Variants in NFIB observed in about 807,000 individuals in gnomAD.
The protein encoded by NFIB is nuclear factor 1 B-type.
NFIB carries 11 observed loss-of-function variants against 61.5 expected under a neutral mutation model. That is an observed-to-expected ratio of 0.18 (90% CI 0.11 to 0.30). The LOEUF (loss-of-function observed/expected upper bound fraction) is 0.30, where lower values mean the gene tolerates loss of function less well. Ranked by LOEUF, NFIB falls within the 10% of genes least tolerant of loss-of-function variation. The pLI is 1.00. For synonymous variants in NFIB, 260 were observed against 216.5 expected (o/e 1.20, Z -1.76); for missense variants, 471 against 608.9 (o/e 0.77, Z 2.38).
At chr9:14,247,787 TTTGA>T (rs2055099776) in intron 2 of NFIB, among the ~76,000 whole-genome samples, 1 of 152,174 alleles carries the variant, frequency 6.6e-6, no homozygotes, top group South Asian at 2.1e-4. Context: ...CTCTGCATGC[TTTGA>T]TGTCACCTCA....
At chr9:14,238,400 G>A (rs78019333) in intron 2 of NFIB, among the ~76,000 whole-genome samples, 2,208 of 152,224 alleles carry the variant, frequency 0.015, 53 homozygotes, top group Middle Eastern at 0.051. Flanking sequence ...AGTTTAATAC[G>A]TAAGGTTACA....
At chr9:14,124,699 T>C (rs1359057427) in intron 7 of NFIB, among the ~76,000 whole-genome samples, 2 of 152,160 alleles carry the variant, frequency 1.3e-5, no homozygotes, top group Admixed American at 6.5e-5. Context: ...CAGTGTTAAT[T>C]ATTAGCTGTA....
chr9:14,130,021 T>G (rs2040215696), intron 6 of NFIB, among the ~76,000 whole-genome samples: 1 of 152,134 alleles, frequency 6.6e-6, no homozygotes, highest in Non-Finnish European at 1.5e-5. Flanking sequence ...TAGAAAGTAA[T>G]AATTTATAAA....
chr9:14,289,147 T>TAC (rs2058924368), intron 2 of NFIB, among the ~76,000 whole-genome samples: 1 of 146,172 alleles, frequency 6.8e-6, no homozygotes, highest in Non-Finnish European at 1.5e-5. Flanking sequence ...TATACATATA[T>TAC]ATATATTTGG....
the NFIB span, among the ~76,000 whole-genome samples, chr9:14,431,601 T>C: frequency 6.6e-6 from 1 of 151,856 alleles, no homozygotes; most frequent in Non-Finnish European, 1.5e-5. Context: ...CAAGGTAATA[T>C]CATCTCCCCT....
At chr9:14,322,597 A>C (rs28680490) in intron 1 of NFIB, among the ~76,000 whole-genome samples, 2,125 of 144,944 alleles carry the variant, frequency 0.015, 44 homozygotes, top group African/African-American at 0.048. Flanking sequence ...CCACCCTACC[A>C]CGGCCGGCCT....
At chr9:14,306,212 A>C (rs1316715821) in intron 2 of NFIB, among the ~76,000 whole-genome samples, 2 of 152,292 alleles carry the variant, frequency 1.3e-5, no homozygotes, top group East Asian at 3.9e-4. Flanking sequence ...CAGTGTAACC[A>C]GTCCACTTTC....
intron 10 of NFIB, among the ~76,000 whole-genome samples, chr9:14,088,629 A>T (rs1743543): frequency 1 from 151,488 of 152,238 alleles, 75,379 homozygotes; most frequent in Middle Eastern, 1. Context: ...TTTTACATTA[A>T]TCAATATAAA....
chr9:14,285,669 C>T (rs1469779762), intron 2 of NFIB, among the ~76,000 whole-genome samples: 1 of 152,116 alleles, frequency 6.6e-6, no homozygotes, highest in Non-Finnish European at 1.5e-5. Context: ...AAGTATCTAC[C>T]TCATATGGTT....
chr9:14,278,694 T>C (rs1023658534), intron 2 of NFIB, among the ~76,000 whole-genome samples: 1 of 152,150 alleles, frequency 6.6e-6, no homozygotes, highest in East Asian at 1.9e-4. Flanking sequence ...GACTGTTTTG[T>C]GGGGAATTTA....
chr9:14,263,566 G>A (rs1405189579), intron 2 of NFIB, among the ~76,000 whole-genome samples: 1 of 152,156 alleles, frequency 6.6e-6, no homozygotes, highest in East Asian at 1.9e-4. Flanking sequence ...CTCAAACCCT[G>A]TATACATATG....
At chr9:14,121,453 C>G (rs1314664951) in intron 7 of NFIB, among the ~76,000 whole-genome samples, 1 of 152,164 alleles carries the variant, frequency 6.6e-6, no homozygotes, top group Non-Finnish European at 1.5e-5. Flanking sequence ...CCTGTACATC[C>G]TACCTGGCAA....
chr9:14,447,518 G>A, the NFIB span, among the ~76,000 whole-genome samples: 1 of 152,120 alleles, frequency 6.6e-6, no homozygotes, highest in Non-Finnish European at 1.5e-5. Context: ...GTGAATTCAG[G>A]CTGTAAATCT....
intron 1 of NFIB, among the ~76,000 whole-genome samples, chr9:14,311,554 T>C (rs1018104476): frequency 2.8e-4 from 43 of 152,162 alleles, no homozygotes; most frequent in African/African-American, 7.7e-4. Flanking sequence ...AAGTTATTGT[T>C]GTTAAGTGTG....
chr9:14,278,000 G>A (rs1442213299), intron 2 of NFIB, among the ~76,000 whole-genome samples: 3 of 152,236 alleles, frequency 2.0e-5, no homozygotes, highest in South Asian at 2.1e-4. Flanking sequence ...GGGAAGCTAT[G>A]TCCCTGCCAC....
chr9:14,256,800 T>G (rs1268667383), intron 2 of NFIB, among the ~76,000 whole-genome samples: 1 of 152,194 alleles, frequency 6.6e-6, no homozygotes, highest in Non-Finnish European at 1.5e-5. Context: ...CCAGAGGTCC[T>G]CTGCAGAACT....
At chr9:14,522,007 A>G in the NFIB span, among the ~76,000 whole-genome samples, 1 of 152,236 alleles carries the variant, frequency 6.6e-6, no homozygotes, top group Non-Finnish European at 1.5e-5. Flanking sequence ...AAATGTTTTC[A>G]AAGTGTCTGA....
At chr9:14,445,689 T>C in the NFIB span, among the ~76,000 whole-genome samples, 5 of 152,338 alleles carry the variant, frequency 3.3e-5, no homozygotes, top group African/African-American at 1.2e-4. Context: ...TTGGTCATTA[T>C]GTTCTATTCT....
At chr9:14,382,380 T>C (rs906849739) in intron 1 of NFIB, among the ~76,000 whole-genome samples, 4 of 150,140 alleles carry the variant, frequency 2.7e-5, no homozygotes, top group Non-Finnish European at 1.5e-5. Flanking sequence ...GAGAGGGAGA[T>C]AGGAGTCTGT....
Sources: gnomAD v4.1 joint callset for allele counts (sites outside exome capture counted in the v4.1 genomes callset) on GRCh38, gnomAD v4.1.1 for gene constraint, MANE v1.5 for transcripts, NCBI Gene and HGNC (gene_info 2026-07-23, HGNC 2026-07-21) for gene names.